FBXL16: variants seen among roughly 807,000 people sequenced by gnomAD.
FBXL16 encodes F-box and leucine rich repeat protein 16, also known as F-box/LRR-repeat protein 16.
FBXL16 carries 7 observed loss-of-function variants against 36.7 expected under a neutral mutation model. That is an observed-to-expected ratio of 0.19 (90% CI 0.11 to 0.36). The LOEUF is 0.36. FBXL16 is among the 10% of genes least tolerant of loss of function. The pLI is 1.00. For missense variants in FBXL16, 463 were observed against 659.4 expected (o/e 0.70, Z 3.26); for synonymous variants, 355 against 308.7 (o/e 1.15, Z -1.57).
At chr16:698,812 G>A (rs1263902395) in intron 1 of FBXL16, among the ~76,000 whole-genome samples, 1 of 151,360 alleles carries the variant, frequency 6.6e-6, no homozygotes, top group Non-Finnish European at 1.5e-5. Flanking sequence ...TACTTGGGAG[G>A]CTGAGGCAGG....
At chr16:695,164 CCCTT>C in intron 3 of FBXL16, 88 bp from the exon 4 acceptor site, 1 of 1,359,844 alleles carries the variant, frequency 7.4e-7, no homozygotes, top group South Asian at 1.3e-5. Context: ...TGGCGTGAAT[CCCTT>C]CCTGCCCCAC....
chr16:694,268 C>T lies in FBXL16; in HGVS notation c.*7G>A, dbSNP rs2039993076. 7.3e-7 allele frequency: 1 copy of T among 1,376,670 alleles called. No homozygotes were observed. 85.3% of individuals were successfully genotyped at this position (1,376,670 alleles called of 1,614,324 possible). On this transcript the variant is annotated 3_prime_UTR_variant, in exon 6 of 6. Coordinates refer to ENST00000397621, the MANE Select transcript of FBXL16 (RefSeq NM_153350.4). ...CGGGTTCCCGCGACCGGGGCGGGGG[C>T]CTCGCGCTACTCAATGACGAGGCAG...
At position 695,556 on chromosome 16, in the gene FBXL16, G is replaced by C; in HGVS notation, c.1001C>G (p.Thr334Ser). 2 of 1,603,816 alleles carry C rather than the reference G, an allele frequency of 1.2e-6. No homozygotes were observed. Among genetic ancestry groups the C allele is most frequent in the South Asian group, 2.2e-5 (2 of 90,618 alleles). Residue 334 changes from threonine (T) to serine (S), a missense_variant, in exon 3 of 6, where the codon ACC (threonine) becomes AGC (serine). By Grantham distance (58) the Thr-to-Ser change is moderately conservative. Transcript: ENST00000397621. ...ALSLSGCSKVTDDGVELVAEN... is the reference protein window; with the variant it reads ...ALSLSGCSKVSDDGVELVAEN... ...GGCCACGAGCTCCACGCCGTCGTCG[G>C]TGACCTTGGAGCAGCCCGAGAGGCT...
In FBXL16 at chr16:694,386, C is replaced by T; in HGVS notation, c.1329G>A (p.Leu443=). 6.5e-7 allele frequency: 1 copy of T among 1,543,702 alleles called. No homozygotes were observed. Residue 443 remains leucine, a synonymous_variant, in exon 6 of 6, where the codon CTG becomes CTA. Coordinates refer to ENST00000397621, the MANE Select transcript of FBXL16 (RefSeq NM_153350.4). ...GCTCCTCCAGCTCCTGCAGCTGCAC[C>T]AGGCCCGACAGCCCGGTGGTGGTGA... is the stretch of plus-strand genomic sequence containing the variant. ...PLLTTTGLSG[L]VQLQELEELE... is the part of the protein sequence containing the mutation.
intron 1 of FBXL16, among the ~76,000 whole-genome samples, chr16:701,049 C>A (rs1258719359): frequency 6.6e-6 from 1 of 152,166 alleles, no homozygotes; most frequent in Non-Finnish European, 1.5e-5. Context: ...TGGGCCTGCA[C>A]GTGGAGCGCC....
rs772877212 is a variant in FBXL16 at position 700,877 on chromosome 16, C to G, written c.-14-3458G>C. ...GGACGGCTGCGGGGTCGGGGCAGCC[C>G]CGCAATCCCAAATCCCGGCAGCCCC... On this transcript the variant is annotated intron_variant, in intron 1 of 5. Coordinates refer to ENST00000397621, the MANE Select transcript of FBXL16 (RefSeq NM_153350.4). Among the ~76,000 whole-genome samples, 208 of 152,306 alleles carry G rather than the reference C, an allele frequency of 1.4e-3. 1 individual carries two copies. The highest frequency in any genetic ancestry group is 2.4e-3 in the Non-Finnish European group (163 of 68,006).
chr16:695,333 G>GGCCCCGTGCAGCCCC (rs2040002538), intron 3 of FBXL16, 82 bp downstream of exon 3: 1 of 990,452 alleles, frequency 1.0e-6, no homozygotes, highest in Non-Finnish European at 1.2e-6. Context: ...CCCCGCCCCC[G>GGCCCCGTGCAGCCCC]GCCCCGTGCA....
chr16:694,069 G>A lies in FBXL16; in HGVS notation c.*206C>T, dbSNP rs188252904. On this transcript the variant is annotated 3_prime_UTR_variant, in exon 6 of 6. Coordinates refer to ENST00000397621, the MANE Select transcript of FBXL16 (RefSeq NM_153350.4). ...GTGCGTGCGTGGGGCGGGCCCACCC[G>A]CCGCCCCCCTGCCCGGGGCGGGGCT... 6.9e-3 allele frequency: 1,754 copies of A among 254,114 alleles called. 35 individuals carry two copies. Among genetic ancestry groups the A allele is most frequent in the African/African-American group, 0.037 (1,647 of 43,992 alleles). The allele number at this position is 254,114 out of a possible 1,614,324, so 15.7% of individuals were successfully genotyped here. A position where few individuals can be genotyped will look rare whatever the true frequency, so the allele number is the denominator to read the frequency against.
rs1240423076 is a variant in FBXL16, at chr16:695,585, C to T, written c.972G>A (p.Ala324=). 6.2e-7 allele frequency: 1 copy of T among 1,605,664 alleles called. No individual in the cohort carries two copies. Among genetic ancestry groups the T allele is most frequent in the South Asian group, 1.1e-5 (1 of 90,662 alleles). Reference sequence around the variant, plus strand: ...CCTTGGAGCAGCCCGAGAGGCTGAGCGCGGTGAGGTTGGGCAGGCTGTGCA... The same window carrying T: ...CCTTGGAGCAGCCCGAGAGGCTGAGTGCGGTGAGGTTGGGCAGGCTGTGCA... ...NVVHSLPNLT[A]LSLSGCSKVT... is the part of the protein sequence containing the mutation. The change falls in exon 3 of 6, where the codon GCG becomes GCA. Residue 324 remains alanine, a synonymous_variant. Coordinates refer to ENST00000397621, the MANE Select transcript of FBXL16 (RefSeq NM_153350.4).
intron 1 of FBXL16, among the ~76,000 whole-genome samples, chr16:702,119 G>A (rs7199994): frequency 0.03 from 4,499 of 152,250 alleles, 190 homozygotes; most frequent in African/African-American, 0.092. Context: ...TTCCCAGACG[G>A]CCATGTGGGG....
At chr16:700,072 T>C (rs963919134) in intron 1 of FBXL16, among the ~76,000 whole-genome samples, 4 of 151,250 alleles carry the variant, frequency 2.6e-5, no homozygotes. Flanking sequence ...CAGTGGGAGG[T>C]CCTGCCCCGC....
intron 1 of FBXL16, among the ~76,000 whole-genome samples, chr16:698,846 G>A (rs1321523990): frequency 2.1e-5 from 3 of 143,790 alleles, no homozygotes; most frequent in East Asian, 2.0e-4. Context: ...TCCAGGAGGC[G>A]GAGGTTGCAG....
rs2039981410 is a variant in FBXL16 at position 692,900 on chromosome 16, T to TC, written c.*1374_*1375insG. 1 of 152,228 alleles carries TC rather than the reference T, an allele frequency of 6.6e-6. No individual in the cohort carries two copies. Among genetic ancestry groups the TC allele is most frequent in the African/African-American group, 2.4e-5 (1 of 41,326 alleles). 9.4% of individuals were successfully genotyped at this position (152,228 alleles called of 1,614,324 possible). A position where few individuals can be genotyped will look rare whatever the true frequency, so the allele number is the denominator to read the frequency against. On this transcript the variant is annotated 3_prime_UTR_variant, in exon 6 of 6. Coordinates refer to ENST00000397621, the MANE Select transcript of FBXL16 (RefSeq NM_153350.4). ...TGATTCAACAGCATCTCTCTCTCTC[T>TC]TTCTCTCTCTCTCTCACTCTCTTTC...
Position 694,167 on chromosome 16 carries a change from G to A in FBXL16, c.*108C>T. 1 of 765,368 alleles carries A rather than the reference G, an allele frequency of 1.3e-6. No homozygotes were observed. The highest frequency in any genetic ancestry group is 1.8e-5 in the African/African-American group (1 of 54,392). 47.4% of individuals were successfully genotyped at this position (765,368 alleles called of 1,614,324 possible). A position where few individuals can be genotyped will look rare whatever the true frequency, so the allele number is the denominator to read the frequency against. ...GCCCCGCCTCCCGCGCTGGGCCGGGGGCGCGGGGGCTCCCCCGAGCGCAAG... is the reference window on the plus strand; with the variant it reads ...GCCCCGCCTCCCGCGCTGGGCCGGGAGCGCGGGGGCTCCCCCGAGCGCAAG... On this transcript the variant is annotated 3_prime_UTR_variant, in exon 6 of 6. Coordinates refer to ENST00000397621, the MANE Select transcript of FBXL16 (RefSeq NM_153350.4).
In FBXL16 at chr16:697,328, C is replaced by T; in HGVS notation, c.78G>A (p.Gln26=). The T allele has an allele frequency of 1.3e-6, 2 of 1,535,590 alleles. No homozygotes were observed. The highest frequency in any genetic ancestry group is 2.0e-5 in the Admixed American group (1 of 50,980). ...TGCTGGCCGCACCCAGGCCGTTGGG[C>T]TGGCCCGGCAGCTTCACCAGACCGT... ...PRNGLVKLPG[Q]PNGLGAASIT... The change falls in exon 2 of 6, where the codon CAG becomes CAA. Residue 26 remains glutamine, a synonymous_variant. Coordinates refer to ENST00000397621, the MANE Select transcript of FBXL16 (RefSeq NM_153350.4). This position sits in a 1 kb window ranked among gnomAD's most constrained non-coding sequence, Gnocchi z 4.6.
rs1055312130 is a variant in FBXL16, at chr16:694,209, C to T, written c.*66G>A. On this transcript the variant is annotated 3_prime_UTR_variant, in exon 6 of 6. Coordinates refer to ENST00000397621, the MANE Select transcript of FBXL16 (RefSeq NM_153350.4). The stretch of plus-strand genomic sequence containing the variant: ...GAGCGCAAGGCGGGAAGAGGGGGCT[C>T]GGCGGCGCCCCGCGCCCCCGCCCAG... 5 of 1,164,070 alleles carry T rather than the reference C, an allele frequency of 4.3e-6. No homozygotes were observed. The highest frequency in any genetic ancestry group is 3.2e-5 in the African/African-American group (2 of 62,026). 72.1% of individuals were successfully genotyped at this position (1,164,070 alleles called of 1,614,324 possible).
chr16:696,008 G>A (rs1052795688), intron 2 of FBXL16, 85 bp from the exon 3 acceptor site: 2 of 1,467,846 alleles, frequency 1.4e-6, no homozygotes, highest in Non-Finnish European at 1.8e-6. Flanking sequence ...AAACATGCAG[G>A]GAGCTGAACC....
chr16:698,364 C>T (rs2040030859), intron 1 of FBXL16, among the ~76,000 whole-genome samples: 1 of 152,222 alleles, frequency 6.6e-6, no homozygotes. Context: ...CACTTAGGTA[C>T]CATGATGGCC....
intron 1 of FBXL16, among the ~76,000 whole-genome samples, chr16:698,006 A>G (rs1197032702): frequency 1.3e-5 from 2 of 151,960 alleles, no homozygotes; most frequent in African/African-American, 2.4e-5. Flanking sequence ...TCTCAAAAAA[A>G]AAAAAAAGAA....
Sources: allele counts gnomAD v4.1 joint callset (sites outside exome capture counted in the v4.1 genomes callset), GRCh38; gene constraint gnomAD v4.1.1; non-coding constraint Gnocchi (gnomAD v3.1); transcripts MANE v1.5; gene names NCBI Gene and HGNC (gene_info 2026-07-23, HGNC 2026-07-21).